Variants in PANK3 observed in about 807,000 individuals in gnomAD.
PANK3 encodes the protein hPanK3.
Under a neutral mutation model 39.4 loss-of-function variants are expected in PANK3, and 20 were observed. The ratio of observed to expected loss-of-function variants is 0.51; its 90% CI spans 0.36 to 0.74. The LOEUF (loss-of-function observed/expected upper bound fraction) is 0.74. PANK3 is among the 30% of genes least tolerant of loss of function. The pLI is 0.00. For missense variants in PANK3, 265 were observed against 437.0 expected (o/e 0.61, Z 3.51); for synonymous variants, 140 against 157.3 (o/e 0.89, Z 0.82).
In PANK3 at chr5:168,561,437, T is replaced by C. The variant is rs1286545510; in HGVS notation, c.892A>G (p.Thr298Ala). The C allele has an allele frequency of 1.2e-6, 2 of 1,602,660 alleles. No individual in the cohort carries two copies. Among genetic ancestry groups the C allele is most frequent in the Non-Finnish European group, 1.7e-6 (2 of 1,174,904 alleles). ...DLARATLVTI[T>A]NNIGSVARMC... ...CGTGCCACAGAACCAATGTTATTGG[T>C]GATAGTAACTAAAGTAGCTCTTGCC... The change falls in exon 5 of 7, where the codon ACC becomes GCC. Residue 298 changes from threonine (T) to alanine (A), a missense_variant. Physicochemically the swap from Thr to Ala is moderately conservative, Grantham distance 58. Around this residue, in one of 3 missense-constraint regions of PANK3, gnomAD observed 110 missense variants for 161.2 expected, o/e 0.68. Coordinates refer to ENST00000239231, the MANE Select transcript of PANK3 (RefSeq NM_024594.4).
chr5:168,578,348 T>C (rs192779210), intron 1 of PANK3, among the ~76,000 whole-genome samples: 1 of 152,338 alleles, frequency 6.6e-6, no homozygotes, highest in East Asian at 1.9e-4. Context: ...TGTTTTATAG[T>C]TGTGGATTTC....
At chr5:168,573,095 A>G (rs958551434) in intron 1 of PANK3, among the ~76,000 whole-genome samples, 2 of 152,172 alleles carry the variant, frequency 1.3e-5, no homozygotes, top group African/African-American at 2.4e-5. Context: ...CTGTTTTTAA[A>G]GAAAGGTAAA....
rs1226004372 is a variant in PANK3, at chr5:168,550,752, T to G, written c.*6819A>C. ...CCTGAAAAAAAATTTACTTTAGTTATCTCAAACACAGCCATGAATGAAGCA... is the reference window on the plus strand; with the variant it reads ...CCTGAAAAAAAATTTACTTTAGTTAGCTCAAACACAGCCATGAATGAAGCA... On this transcript the variant is annotated 3_prime_UTR_variant, in exon 7 of 7. Transcript: ENST00000239231. 1 of 152,154 alleles carries G rather than the reference T, an allele frequency of 6.6e-6. No homozygotes were observed. The allele number at this position is 152,154 out of a possible 1,614,324, so 9.4% of individuals were successfully genotyped here. A position where few individuals can be genotyped will look rare whatever the true frequency, so the allele number is the denominator to read the frequency against.
chr5:168,557,286 C>A lies in PANK3; in HGVS notation c.*285G>T. Reference sequence around the variant, plus strand: ...AAGATTTGTGTTTGAGCATACAGTACTGCAATGTTGGCTACATAAAATAAA... The same window carrying A: ...AAGATTTGTGTTTGAGCATACAGTAATGCAATGTTGGCTACATAAAATAAA... On this transcript the variant is annotated 3_prime_UTR_variant, in exon 7 of 7. Transcript: ENST00000239231. 3 of 304,628 alleles carry A rather than the reference C, an allele frequency of 9.8e-6. No individual in the cohort carries two copies. Among genetic ancestry groups the A allele is most frequent in the Non-Finnish European group, 1.9e-5 (3 of 158,876 alleles). The allele number at this position is 304,628 out of a possible 1,614,324, so 18.9% of individuals were successfully genotyped here.
At chr5:168,568,225 C>T (rs1246975099) in intron 2 of PANK3, among the ~76,000 whole-genome samples, 1 of 152,160 alleles carries the variant, frequency 6.6e-6, no homozygotes, top group Non-Finnish European at 1.5e-5. Context: ...AACCAAAAGA[C>T]ATTGGTTTCC....
intron 1 of PANK3, among the ~76,000 whole-genome samples, chr5:168,571,772 T>G (rs865852314): frequency 5.8e-4 from 89 of 152,304 alleles, no homozygotes; most frequent in Middle Eastern, 3.4e-3. Context: ...GTATATAATT[T>G]TTAATACGAG....
At chr5:168,560,106 T>C (rs995274142) in intron 5 of PANK3, among the ~76,000 whole-genome samples, 3 of 152,216 alleles carry the variant, frequency 2.0e-5, no homozygotes, top group African/African-American at 7.2e-5. Context: ...GTTAACTCAA[T>C]TGGTCAGTGG....
At chr5:168,579,163 G>C in intron 1 of PANK3, 93 bp downstream of exon 1, 1 of 1,195,494 alleles carries the variant, frequency 8.4e-7, no homozygotes, top group African/African-American at 1.6e-5. Context: ...GGCGAGGAGC[G>C]ACGGGCTTGG....
Position 168,555,750 on chromosome 5 carries a change from C to T in PANK3, c.*1821G>A, listed in dbSNP as rs1283289080. Reference sequence around the variant, plus strand: ...CTGGACATCGAAGTTCTAGAACTCTCTCTTACAAATGAACACTATCACTGT... The same window carrying T: ...CTGGACATCGAAGTTCTAGAACTCTTTCTTACAAATGAACACTATCACTGT... On this transcript the variant is annotated 3_prime_UTR_variant, in exon 7 of 7. Transcript: ENST00000239231. 2 of 152,230 alleles carry T rather than the reference C, an allele frequency of 1.3e-5. No individual in the cohort carries two copies. Among genetic ancestry groups the T allele is most frequent in the African/African-American group, 4.8e-5 (2 of 41,456 alleles). The allele number at this position is 152,230 out of a possible 1,614,324, so 9.4% of individuals were successfully genotyped here.
chr5:168,569,174 T>C (rs1030785169), intron 1 of PANK3, among the ~76,000 whole-genome samples, 176 bp from the exon 2 acceptor site: 40 of 147,804 alleles, frequency 2.7e-4, no homozygotes, highest in Admixed American at 6.0e-4. Context: ...CCTTTTTCCC[T>C]TCAAAGTTTT....
rs1222725601 is a variant in PANK3, at chr5:168,553,826, C to T, written c.*3745G>A. On this transcript the variant is annotated 3_prime_UTR_variant, in exon 7 of 7. Coordinates refer to ENST00000239231, the MANE Select transcript of PANK3 (RefSeq NM_024594.4). ...ATGCTATAAAACTCACTCATCATTA[C>T]AGCATCTCTGCATTCTTGCTTTACC... 6.5e-6 allele frequency: 1 copy of T among 152,760 alleles called. No homozygotes were observed. Among genetic ancestry groups the T allele is most frequent in the Non-Finnish European group, 1.5e-5 (1 of 68,452 alleles). 9.5% of individuals were successfully genotyped at this position (152,760 alleles called of 1,614,324 possible). A position where few individuals can be genotyped will look rare whatever the true frequency, so the allele number is the denominator to read the frequency against.
chr5:168,566,058 A>C lies in PANK3; in HGVS notation c.590T>G (p.Leu197Ter). The C allele has an allele frequency of 6.2e-7, 1 of 1,613,894 alleles. No homozygotes were observed. The highest frequency in any genetic ancestry group is 1.1e-5 in the South Asian group (1 of 91,064). Residue 197 changes from leucine to a stop codon, truncating the protein, a stop_gained, in exon 3 of 7, where the codon TTA (leucine) becomes TGA (stop). Coordinates refer to ENST00000239231, the MANE Select transcript of PANK3 (RefSeq NM_024594.4). LOFTEE classifies it high-confidence loss of function. ...VVNIGSGVSI[L>*]AVHSKDNYKR... ...ATAGTTGTCTTTGGAATGGACTGCTAAAATACTGACTCCTGAGCCAATGTT... is the reference window on the plus strand; with the variant it reads ...ATAGTTGTCTTTGGAATGGACTGCTCAAATACTGACTCCTGAGCCAATGTT...
Position 168,551,297 on chromosome 5 carries a change from C to T in PANK3, c.*6274G>A, listed in dbSNP as rs998754765. ...TGATCATGGATACCTCATGGCAGATCACTTTAAGTGAGGTCAGAGAGTATT... is the reference window on the plus strand; with the variant it reads ...TGATCATGGATACCTCATGGCAGATTACTTTAAGTGAGGTCAGAGAGTATT... On this transcript the variant is annotated 3_prime_UTR_variant, in exon 7 of 7. Coordinates refer to ENST00000239231, the MANE Select transcript of PANK3 (RefSeq NM_024594.4). 6.6e-6 allele frequency: 1 copy of T among 152,140 alleles called. No homozygotes were observed. Among genetic ancestry groups the T allele is most frequent in the Non-Finnish European group, 1.5e-5 (1 of 68,008 alleles). 9.4% of individuals were successfully genotyped at this position (152,140 alleles called of 1,614,324 possible). A position where few individuals can be genotyped will look rare whatever the true frequency, so the allele number is the denominator to read the frequency against.
chr5:168,572,924 A>C (rs1406064361), intron 1 of PANK3, among the ~76,000 whole-genome samples: 1 of 152,036 alleles, frequency 6.6e-6, no homozygotes, highest in Non-Finnish European at 1.5e-5. Context: ...CTGAAGAAAG[A>C]TTTTGTGGTA....
chr5:168,577,069 T>C (rs1173403179), intron 1 of PANK3, among the ~76,000 whole-genome samples: 2 of 150,550 alleles, frequency 1.3e-5, no homozygotes, highest in Non-Finnish European at 3.0e-5. Context: ...TTAGTAGAGA[T>C]GGGGTTTCAC....
At position 168,552,599 on chromosome 5, in the gene PANK3, T is replaced by A; in HGVS notation, c.*4972A>T. The stretch of plus-strand genomic sequence containing the variant: ...CAGTATTCCAGGGAACGGAGTCTGG[T>A]CCAACTTCAGAGAAGGCCACAAAGA... On this transcript the variant is annotated 3_prime_UTR_variant, in exon 7 of 7. Coordinates refer to ENST00000239231, the MANE Select transcript of PANK3 (RefSeq NM_024594.4). The A allele has an allele frequency of 4.6e-6, 1 of 215,244 alleles. No individual in the cohort carries two copies. The allele number at this position is 215,244 out of a possible 1,614,324, so 13.3% of individuals were successfully genotyped here.
intron 1 of PANK3, among the ~76,000 whole-genome samples, chr5:168,573,457 A>G (rs1252408194): frequency 1.4e-5 from 2 of 144,278 alleles, no homozygotes; most frequent in African/African-American, 5.1e-5. Flanking sequence ...GGCACAAAGA[A>G]GGCAGCACAA....
At chr5:168,573,697 G>T (rs1469052667) in intron 1 of PANK3, among the ~76,000 whole-genome samples, 1 of 116,970 alleles carries the variant, frequency 8.5e-6, no homozygotes, top group Non-Finnish European at 1.6e-5. Flanking sequence ...TCCCCAGAGT[G>T]TGATGTTCCC....
intron 1 of PANK3, among the ~76,000 whole-genome samples, chr5:168,572,795 A>C (rs1321564075): frequency 6.6e-6 from 1 of 152,090 alleles, no homozygotes; most frequent in Admixed American, 6.5e-5. Flanking sequence ...AATAGTGGTG[A>C]AGTGTTGGAG....
Sources: gnomAD v4.1 joint callset for allele counts (sites outside exome capture counted in the v4.1 genomes callset) on GRCh38, gnomAD v4.1.1 for gene constraint, gnomAD v4.1.1 regional missense constraint, MANE v1.5 for transcripts, NCBI Gene and HGNC (gene_info 2026-07-23, HGNC 2026-07-21) for gene names.